The following GPC6 variants were observed in gnomAD, a reference collection of about 807,000 sequenced individuals.
The protein encoded by GPC6 is glypican-6.
In GPC6, 14 loss-of-function variants were observed where a neutral mutation model predicts 55.2. The ratio of observed to expected loss-of-function variants is 0.25; its 90% CI spans 0.17 to 0.40. The LOEUF (loss-of-function observed/expected upper bound fraction) is 0.40, where lower values mean the gene tolerates loss of function less well. Ranked by LOEUF, GPC6 falls within the 10% of genes least tolerant of loss-of-function variation. The pLI, the probability that GPC6 is intolerant of heterozygous loss-of-function variation, is 1.00. For missense variants in GPC6, 641 were observed against 708.5 expected, an observed-to-expected ratio of 0.90 and a Z score of 1.08; for synonymous variants, 278 against 259.6, an observed-to-expected ratio of 1.07 and a Z score of -0.68.
At chr13:93,313,116 A>C (rs1274286291) in intron 1 of GPC6, among the ~76,000 whole-genome samples, 2 of 152,104 alleles carry the variant, frequency 1.3e-5, no homozygotes, top group Non-Finnish European at 2.9e-5. Flanking sequence ...ATATAATTCA[A>C]AATGCCCCTA....
intron 3 of GPC6, among the ~76,000 whole-genome samples, chr13:94,021,889 T>C (rs1882709498): frequency 6.6e-6 from 1 of 152,098 alleles, no homozygotes; most frequent in Admixed American, 6.6e-5. Flanking sequence ...TTTTCAGTAG[T>C]GGGAAAATTA....
At position 94,110,495 on chromosome 13, in the gene GPC6, G is replaced by A. The variant is rs1314222386; in HGVS notation, c.877+82601G>A. ...TCTTGAGGCAAGTAGAACAGTAGGA[G>A]AAAGATTTGATAGATGCCTGGCAAA... On this transcript the variant is annotated intron_variant, in intron 4 of 8. Transcript: ENST00000377047. 2.0e-5 allele frequency among the ~76,000 whole-genome samples: 3 copies of A among 152,076 alleles called. No homozygotes were observed. The East Asian group carries it at 5.8e-4, about 29-fold the overall frequency.
chr13:93,433,511 T>G (rs1337959376), intron 1 of GPC6, among the ~76,000 whole-genome samples: 1 of 152,224 alleles, frequency 6.6e-6, no homozygotes, highest in Non-Finnish European at 1.5e-5. Flanking sequence ...TACCTGTCTT[T>G]TCTGAGCCCC....
intron 3 of GPC6, among the ~76,000 whole-genome samples, chr13:93,846,475 G>A (rs968504248): frequency 6.6e-6 from 1 of 152,168 alleles, no homozygotes; most frequent in African/African-American, 2.4e-5. Context: ...ATGGTCTATG[G>A]TAGTGCTATT....
At chr13:93,852,374 T>G (rs549879118) in intron 3 of GPC6, among the ~76,000 whole-genome samples, 2 of 151,898 alleles carry the variant, frequency 1.3e-5, no homozygotes, top group South Asian at 4.1e-4. Context: ...TATTCTGTTC[T>G]CTGTATTCTC....
intron 2 of GPC6, among the ~76,000 whole-genome samples, chr13:93,621,908 A>G (rs1878967686): frequency 6.6e-6 from 1 of 152,110 alleles, no homozygotes; most frequent in African/African-American, 2.4e-5. Context: ...GAAATATGCA[A>G]TACACTGTCA....
intron 6 of GPC6, among the ~76,000 whole-genome samples, chr13:94,348,479 C>G (rs935051118): frequency 2.6e-5 from 4 of 152,204 alleles, no homozygotes; most frequent in Non-Finnish European, 4.4e-5. Context: ...CAGATAAGGC[C>G]AATGCTGCTA....
chr13:93,610,899 G>A (rs7332795), intron 2 of GPC6, among the ~76,000 whole-genome samples: 52,553 of 151,762 alleles, frequency 0.35, 9,274 homozygotes, highest in Non-Finnish European at 0.38. Flanking sequence ...AGTATAAAAT[G>A]TATCACCACA....
chr13:93,814,945 C>T (rs1020721158), intron 2 of GPC6, among the ~76,000 whole-genome samples: 3 of 152,096 alleles, frequency 2.0e-5, no homozygotes, highest in Admixed American at 1.3e-4. Context: ...CAGAAGCTAC[C>T]TATTCCCAGG....
chr13:94,136,138 A>AT (rs1334357651), intron 4 of GPC6, among the ~76,000 whole-genome samples: 2 of 152,236 alleles, frequency 1.3e-5, no homozygotes, highest in African/African-American at 4.8e-5. Context: ...AGAAAAGGGA[A>AT]TAATCTTAGA....
chr13:93,702,254 G>T (rs1231058324), intron 2 of GPC6, among the ~76,000 whole-genome samples: 1 of 151,972 alleles, frequency 6.6e-6, no homozygotes, highest in Admixed American at 6.6e-5. Context: ...TGGGTAACTA[G>T]GTACGTTGTC....
At chr13:94,338,250 T>C (rs1877823398) in intron 6 of GPC6, among the ~76,000 whole-genome samples, 1 of 152,178 alleles carries the variant, frequency 6.6e-6, no homozygotes, top group Non-Finnish European at 1.5e-5. Context: ...TTACCAGAGA[T>C]TCCTAATCTG....
At chr13:93,429,930 G>C (rs1474054087) in intron 1 of GPC6, among the ~76,000 whole-genome samples, 1 of 152,098 alleles carries the variant, frequency 6.6e-6, no homozygotes, top group African/African-American at 2.4e-5. Context: ...ATTATCCTCA[G>C]ACTTACGATT....
At position 93,351,523 on chromosome 13, in the gene GPC6, A is replaced by G. The variant is rs1880631557; in HGVS notation, c.160+123907A>G. On this transcript the variant is annotated intron_variant, in intron 1 of 8. Coordinates refer to ENST00000377047, the MANE Select transcript of GPC6 (RefSeq NM_005708.5). ...GGAATACGTTCTAGTGTTCAAAGCC[A>G]TTTTAGGATAACTATAGTTAATAAA... 2.0e-5 allele frequency among the ~76,000 whole-genome samples: 3 copies of G among 152,150 alleles called. No individual in the cohort carries two copies. The South Asian group carries it at 6.2e-4, about 32-fold the overall frequency.
intron 2 of GPC6, among the ~76,000 whole-genome samples, chr13:93,686,902 T>C (rs373891919): frequency 2.0e-5 from 3 of 152,218 alleles, no homozygotes; most frequent in Non-Finnish European, 2.9e-5. Context: ...TATTCTCTAA[T>C]ATATTGAGCT....
At chr13:93,530,264 A>T (rs930991702) in intron 1 of GPC6, among the ~76,000 whole-genome samples, 4 of 152,196 alleles carry the variant, frequency 2.6e-5, no homozygotes, top group African/African-American at 9.6e-5. Flanking sequence ...TCATGATGAT[A>T]ACCCTTCTTG....
At chr13:94,309,229 C>T (rs1352783480) in intron 6 of GPC6, among the ~76,000 whole-genome samples, 5 of 152,116 alleles carry the variant, frequency 3.3e-5, no homozygotes, top group African/African-American at 1.2e-4. Flanking sequence ...CTCCAATCAC[C>T]CCACCCCTTT....
At chr13:93,550,244 G>T (rs1054848039) in intron 2 of GPC6, among the ~76,000 whole-genome samples, 7 of 152,096 alleles carry the variant, frequency 4.6e-5, no homozygotes, top group Non-Finnish European at 8.8e-5. Flanking sequence ...GTGGAATATG[G>T]ATTATTCAGA....
intron 1 of GPC6, among the ~76,000 whole-genome samples, chr13:93,340,887 C>T (rs971751192): frequency 1.3e-5 from 2 of 152,098 alleles, no homozygotes; most frequent in East Asian, 1.9e-4. Context: ...CACCTACCAC[C>T]GGAGTACTAT....
Sources: allele counts gnomAD v4.1 joint callset (sites outside exome capture counted in the v4.1 genomes callset), GRCh38; gene constraint gnomAD v4.1.1; transcripts MANE v1.5; gene names NCBI Gene and HGNC (gene_info 2026-07-23, HGNC 2026-07-21).